The following WFIKKN2 variants were observed in gnomAD, a reference collection of about 807,000 sequenced individuals.
WFIKKN2 encodes the protein WAP, follistatin/kazal, immunoglobulin, kunitz and netrin domain containing 2, also known as WAP, Kazal, immunoglobulin, Kunitz and NTR domain-containing protein 2.
Under a neutral mutation model 39.2 loss-of-function variants are expected in WFIKKN2, and 25 were observed. That is an observed-to-expected ratio of 0.64 (90% confidence interval 0.47 to 0.89). The LOEUF (loss-of-function observed/expected upper bound fraction) is 0.89. Ranked by LOEUF, WFIKKN2 falls within the 40% of genes least tolerant of loss-of-function variation. WFIKKN2 has a pLI of 0.00. For missense variants in WFIKKN2, 770 were observed against 811.7 expected (o/e 0.95, Z 0.62); for synonymous variants, 345 against 329.7 (o/e 1.05, Z -0.50).
Position 50,839,412 on chromosome 17 carries a change from TCTC to T in WFIKKN2, c.211-82_211-80del, listed in dbSNP as rs1163892269. The T allele has an allele frequency of 4.5e-6, 6 of 1,319,792 alleles. No homozygotes were observed. The South Asian group carries it at 5.8e-5, about 13-fold the overall frequency. The allele number at this position is 1,319,792 out of a possible 1,614,324, so 81.8% of individuals were successfully genotyped here. A position where few individuals can be genotyped will look rare whatever the true frequency, so the allele number is the denominator to read the frequency against. Reference sequence around the variant, plus strand: ...CACTAGATGGTGAGTACATGTTAGTTCTCCTCCCCACAAACCATGGGGTAGGAT... The same window carrying T: ...CACTAGATGGTGAGTACATGTTAGTTCTCCCCACAAACCATGGGGTAGGAT... On this transcript the variant is annotated intron_variant, in intron 1 of 1. Transcript: ENST00000311378.
Position 50,840,684 on chromosome 17 carries a change from C to T in WFIKKN2, c.1396C>T (p.Leu466=). The change falls in exon 2 of 2, where the codon CTG becomes TTG. Residue 466 remains leucine (L), a synonymous_variant. Coordinates refer to ENST00000311378, the MANE Select transcript of WFIKKN2 (RefSeq NM_175575.6). Reference sequence around the variant, plus strand: ...CTTCTGTCGCAGCGACTTTGTCATCCTGGGCCGAGTCTCTGAGCTGACCGA... The same window carrying T: ...CTTCTGTCGCAGCGACTTTGTCATCTTGGGCCGAGTCTCTGAGCTGACCGA... ...TSFCRSDFVI[L]GRVSELTEEP... is the part of the protein sequence containing the mutation. 2 of 1,613,990 alleles carry T rather than the reference C, an allele frequency of 1.2e-6. No homozygotes were observed. Among genetic ancestry groups the T allele is most frequent in the South Asian group, 1.1e-5 (1 of 91,076 alleles).
At position 50,841,231 on chromosome 17, in the gene WFIKKN2, C is replaced by G; in HGVS notation, c.*212C>G. 2.1e-6 allele frequency: 1 copy of G among 476,058 alleles called. No individual in the cohort carries two copies. The highest frequency in any genetic ancestry group is 3.6e-6 in the Non-Finnish European group (1 of 275,236). The allele number at this position is 476,058 out of a possible 1,614,324, so 29.5% of individuals were successfully genotyped here. ...TCATATCTTTTTTAGCTGAGGGGGA[C>G]AAGAGGAGAAGTCAGTGGACACATG... On this transcript the variant is annotated 3_prime_UTR_variant, in exon 2 of 2. Transcript: ENST00000311378.
chr17:50,835,424 C>T (rs921110549), upstream of WFIKKN2: 3 of 153,548 alleles, frequency 2.0e-5, no homozygotes, highest in Non-Finnish European at 4.3e-5. Flanking sequence ...GCCAGCTCCC[C>T]GCAAAGCACA....
rs760374780 is a variant in WFIKKN2 at position 50,840,671 on chromosome 17, C to A, written c.1383C>A (p.Ser461Arg). 1 of 1,613,830 alleles carries A rather than the reference C, an allele frequency of 6.2e-7. No homozygotes were observed. Among genetic ancestry groups the A allele is most frequent in the Admixed American group, 1.7e-5 (1 of 60,012 alleles). The stretch of plus-strand genomic sequence containing the variant: ...AGCTCGTTACCAGCTTCTGTCGCAG[C>A]GACTTTGTCATCCTGGGCCGAGTCT... ...RQKLVTSFCR[S>R]DFVILGRVSE... The change falls in exon 2 of 2, where the codon AGC (serine) becomes AGA (arginine). Residue 461 changes from serine to arginine, a missense_variant. Coordinates refer to ENST00000311378, the MANE Select transcript of WFIKKN2 (RefSeq NM_175575.6).
chr17:50,837,282 G>A (rs1328792352), intron 1 of WFIKKN2, among the ~76,000 whole-genome samples: 2 of 152,184 alleles, frequency 1.3e-5, no homozygotes, highest in African/African-American at 2.4e-5. Context: ...CTGAGCCTGA[G>A]AGAAGACCAG....
At position 50,840,685 on chromosome 17, in the gene WFIKKN2, T is replaced by C. The variant is rs1972032463; in HGVS notation, c.1397T>C (p.Leu466Pro). The C allele has an allele frequency of 1.2e-6, 2 of 1,613,946 alleles. No homozygotes were observed. Among genetic ancestry groups the C allele is most frequent in the East Asian group, 2.2e-5 (1 of 44,878 alleles). ...TSFCRSDFVI[L>P]GRVSELTEEP... Reference sequence around the variant, plus strand: ...TTCTGTCGCAGCGACTTTGTCATCCTGGGCCGAGTCTCTGAGCTGACCGAG... The same window carrying C: ...TTCTGTCGCAGCGACTTTGTCATCCCGGGCCGAGTCTCTGAGCTGACCGAG... Residue 466 changes from leucine to proline, a missense_variant, in exon 2 of 2, where the codon CTG becomes CCG. By Grantham distance (98) the Leu-to-Pro change is moderately conservative. Coordinates refer to ENST00000311378, the MANE Select transcript of WFIKKN2 (RefSeq NM_175575.6).
At chr17:50,838,659 C>T (rs548951317) in intron 1 of WFIKKN2, among the ~76,000 whole-genome samples, 1 of 152,348 alleles carries the variant, frequency 6.6e-6, no homozygotes, top group South Asian at 2.1e-4. Flanking sequence ...ACCTTTGCCA[C>T]ACAAGGGGAC....
rs957382387 is a variant in WFIKKN2 at position 50,840,315 on chromosome 17, C to T, written c.1027C>T (p.Arg343Cys). 15 of 1,614,022 alleles carry T rather than the reference C, an allele frequency of 9.3e-6. No homozygotes were observed. Among genetic ancestry groups the T allele is most frequent in the African/African-American group, 2.7e-5 (2 of 74,944 alleles). Reference sequence around the variant, plus strand: ...TGAGGACTGTGGCGAAGAGCAGACCCGCTGGCACTTCGATGCCCAGGCCAA... The same window carrying T: ...TGAGGACTGTGGCGAAGAGCAGACCTGCTGGCACTTCGATGCCCAGGCCAA... ...DSEDCGEEQT[R>C]WHFDAQANNC... The change falls in exon 2 of 2, where the codon CGC becomes TGC. Residue 343 changes from arginine (R) to cysteine (C), a missense_variant. Coordinates refer to ENST00000311378, the MANE Select transcript of WFIKKN2 (RefSeq NM_175575.6).
rs903414878 is a variant in WFIKKN2 at position 50,839,732 on chromosome 17, G to C, written c.444G>C (p.Ser148=). 6.2e-7 allele frequency: 1 copy of C among 1,614,104 alleles called. No homozygotes were observed. The highest frequency in any genetic ancestry group is 1.7e-5 in the Admixed American group (1 of 60,000). The change falls in exon 2 of 2, where the codon TCG becomes TCC. Residue 148 remains serine (S), a synonymous_variant. Transcript: ENST00000311378. ...AGGAGCCCAGCTTTACCTGCGCCTC[G>C]GACGGCCTCACCTACTATAACCGCT... is the stretch of plus-strand genomic sequence containing the variant. ...CEKEPSFTCA[S]DGLTYYNRCY...
intron 1 of WFIKKN2, among the ~76,000 whole-genome samples, chr17:50,837,976 C>T (rs190513793): frequency 7.2e-4 from 110 of 152,236 alleles, no homozygotes; most frequent in Non-Finnish European, 1.2e-3. Context: ...ATTCTGGCCC[C>T]CTTACACAGA....
At position 50,840,483 on chromosome 17, in the gene WFIKKN2, G is replaced by T; in HGVS notation, c.1195G>T (p.Ala399Ser). ...PALQGPCKAYAPRWAYNSQTG... is the reference protein window; with the variant it reads ...PALQGPCKAYSPRWAYNSQTG... ...CCTGCAGGGGCCCTGCAAAGCCTAC[G>T]CGCCTCGCTGGGCTTACAACAGCCA... is the stretch of plus-strand genomic sequence containing the variant. Residue 399 changes from alanine to serine, a missense_variant, in exon 2 of 2, where the codon GCG becomes TCG. Physicochemically the swap from Ala to Ser is moderately conservative, Grantham distance 99 (BLOSUM62 1). Coordinates refer to ENST00000311378, the MANE Select transcript of WFIKKN2 (RefSeq NM_175575.6). 1 of 1,613,854 alleles carries T rather than the reference G, an allele frequency of 6.2e-7. No individual in the cohort carries two copies. Among genetic ancestry groups the T allele is most frequent in the Non-Finnish European group, 8.5e-7 (1 of 1,179,918 alleles).
upstream of WFIKKN2, chr17:50,835,310 G>A (rs1444996249): frequency 6.6e-6 from 1 of 152,330 alleles, no homozygotes; most frequent in Non-Finnish European, 1.5e-5. Context: ...ACAAGCGATT[G>A]TGTGTTCTTT....
rs1972049887 is a variant in WFIKKN2, at chr17:50,841,856, G to A, written c.*837G>A. On this transcript the variant is annotated 3_prime_UTR_variant, in exon 2 of 2. Transcript: ENST00000311378. ...GGACTCACAACTGTCTGGAGTTTCTGTCTGATGGATGGTGTGCTTTCATAT... is the reference window on the plus strand; with the variant it reads ...GGACTCACAACTGTCTGGAGTTTCTATCTGATGGATGGTGTGCTTTCATAT... 2 of 152,216 alleles carry A rather than the reference G, an allele frequency of 1.3e-5. No individual in the cohort carries two copies. The highest frequency in any genetic ancestry group is 1.3e-4 in the Admixed American group (2 of 15,268). 9.4% of individuals were successfully genotyped at this position (152,216 alleles called of 1,614,324 possible).
Position 50,839,612 on chromosome 17 carries a change from G to C in WFIKKN2, c.324G>C (p.Glu108Asp), listed in dbSNP as rs767861615. 6.2e-7 allele frequency: 1 copy of C among 1,614,202 alleles called. No homozygotes were observed. Among genetic ancestry groups the C allele is most frequent in the Non-Finnish European group, 8.5e-7 (1 of 1,180,026 alleles). ...AGGGCCCAGTGGGCATGCCCAAGGAGGCCACATGTGACCACTTCATGTGTC... is the reference window on the plus strand; with the variant it reads ...AGGGCCCAGTGGGCATGCCCAAGGACGCCACATGTGACCACTTCATGTGTC... ...GKKGPVGMPK[E>D]ATCDHFMCLQ... is the part of the protein sequence containing the mutation. The change falls in exon 2 of 2, where the codon GAG (glutamate) becomes GAC (aspartate). Residue 108 changes from glutamate to aspartate, a missense_variant. Physicochemically the swap from Glu to Asp is conservative, Grantham distance 45 (BLOSUM62 2). Coordinates refer to ENST00000311378, the MANE Select transcript of WFIKKN2 (RefSeq NM_175575.6).
chr17:50,839,955 A>G lies in WFIKKN2; in HGVS notation c.667A>G (p.Met223Val). 1.9e-6 allele frequency: 3 copies of G among 1,614,104 alleles called. No homozygotes were observed. Among genetic ancestry groups the G allele is most frequent in the South Asian group, 2.2e-5 (2 of 91,084 alleles). Reference sequence around the variant, plus strand: ...CAACCCTGTGCACCAGTCGGTCACCATGGGTGAGACAGTGAGCTTCCTCTG... The same window carrying G: ...CAACCCTGTGCACCAGTCGGTCACCGTGGGTGAGACAGTGAGCTTCCTCTG... The part of the protein sequence containing the change: ...LNNPVHQSVT[M>V]GETVSFLCDV... Residue 223 changes from methionine to valine, a missense_variant, in exon 2 of 2, where the codon ATG becomes GTG. Met to Val is a conservative substitution (Grantham distance 21). Transcript: ENST00000311378.
chr17:50,836,244 A>G, intron 1 of WFIKKN2, 97 bp downstream of exon 1: 1 of 1,413,674 alleles, frequency 7.1e-7, no homozygotes. Flanking sequence ...TGTGAGGAGG[A>G]CAACGTGAGT....
Position 50,840,820 on chromosome 17 carries a change from T to G in WFIKKN2, c.1532T>G (p.Val511Gly). Residue 511 changes from valine to glycine, a missense_variant, in exon 2 of 2, where the codon GTG becomes GGG. Coordinates refer to ENST00000311378, the MANE Select transcript of WFIKKN2 (RefSeq NM_175575.6). ...CCATTGGAGGTCACTCTGCTTCACG[T>G]GGACTGGGCATGCCCCTGCCCCAAC... ...QEPLEVTLLHVDWACPCPNVT... is the reference protein window; with the variant it reads ...QEPLEVTLLHGDWACPCPNVT... 6.2e-7 allele frequency: 1 copy of G among 1,614,034 alleles called. No individual in the cohort carries two copies. Among genetic ancestry groups the G allele is most frequent in the African/African-American group, 1.3e-5 (1 of 75,052 alleles).
chr17:50,835,923 G>T lies in WFIKKN2; in HGVS notation c.-15G>T, dbSNP rs376601769. On this transcript the variant is annotated 5_prime_UTR_variant, in exon 1 of 2. Transcript: ENST00000311378. ...ATCGTTTCAGGGGAGGTCTCTAGCC[G>T]CCCCAGCCTGCACCATGTGGGCCCC... 6.2e-7 allele frequency: 1 copy of T among 1,605,202 alleles called. No homozygotes were observed. Among genetic ancestry groups the T allele is most frequent in the East Asian group, 2.2e-5 (1 of 44,626 alleles).
Position 50,835,754 on chromosome 17 carries a change from A to G in WFIKKN2, c.-184A>G. 3.2e-6 allele frequency: 2 copies of G among 630,422 alleles called. No individual in the cohort carries two copies. The highest frequency in any genetic ancestry group is 4.3e-5 in the South Asian group (2 of 46,366). 39.1% of individuals were successfully genotyped at this position (630,422 alleles called of 1,614,324 possible). ...ACCTTTCTTTTATCTGAAGCCGCAC[A>G]GCCCGGCAGGCTGTGCTGACTTGGT... On this transcript the variant is annotated 5_prime_UTR_variant, in exon 1 of 2. Transcript: ENST00000311378.
Sources: allele counts gnomAD v4.1 joint callset (sites outside exome capture counted in the v4.1 genomes callset), GRCh38; gene constraint gnomAD v4.1.1; transcripts MANE v1.5; gene names NCBI Gene and HGNC (gene_info 2026-07-23, HGNC 2026-07-21).